CADM2: variants seen among roughly 807,000 people sequenced by gnomAD.
CADM2 encodes immunoglobulin superfamily member 4D.
A neutral mutation model predicts 49.8 loss-of-function variants in CADM2; 12 were observed. The observed-to-expected ratio is 0.24, with a 90% CI of 0.15 to 0.39. CADM2 has a LOEUF of 0.39. Among genes scored for constraint, CADM2 ranks in the 10% least tolerant of loss-of-function variants. The pLI is 1.00. For missense variants in CADM2, 378 were observed against 492.3 expected (o/e 0.77, Z 2.20); for synonymous variants, 214 against 175.4 (o/e 1.22, Z -1.74).
chr3:85,067,436 C>T (rs1039967727), intron 1 of CADM2, among the ~76,000 whole-genome samples: 1 of 151,904 alleles, frequency 6.6e-6, no homozygotes, highest in Non-Finnish European at 1.5e-5. Flanking sequence ...TTTATTTTTG[C>T]TTGGAAGGTT....
At chr3:85,652,481 A>G (rs1293720350) in intron 1 of CADM2, among the ~76,000 whole-genome samples, 5 of 152,184 alleles carry the variant, frequency 3.3e-5, no homozygotes, top group Non-Finnish European at 5.9e-5. Context: ...AGTCATCTCA[A>G]TGCTTGACTT....
chr3:85,006,572 T>G (rs1262566794), intron 1 of CADM2, among the ~76,000 whole-genome samples: 3 of 152,186 alleles, frequency 2.0e-5, no homozygotes, highest in Non-Finnish European at 4.4e-5. Flanking sequence ...TGGAACTTCA[T>G]GCTAAATGCC....
intron 1 of CADM2, among the ~76,000 whole-genome samples, chr3:85,695,733 T>C (rs1316582713): frequency 6.6e-6 from 1 of 152,096 alleles, no homozygotes; most frequent in Admixed American, 6.6e-5. Context: ...CTTGCAAGTG[T>C]CTTTTTGATG....
At chr3:85,169,938 T>C (rs571777540) in intron 1 of CADM2, among the ~76,000 whole-genome samples, 23 of 152,326 alleles carry the variant, frequency 1.5e-4, no homozygotes, top group African/African-American at 5.1e-4. Flanking sequence ...AATTATTCAT[T>C]CACAGAAACT....
intron 8 of CADM2, among the ~76,000 whole-genome samples, chr3:85,965,512 A>G (rs989763712): frequency 1.4e-4 from 21 of 151,404 alleles, no homozygotes; most frequent in African/African-American, 3.9e-4. Context: ...GCATACAGTT[A>G]TTGCTCATAA....
intron 1 of CADM2, among the ~76,000 whole-genome samples, chr3:85,460,937 T>C (rs2038217288): frequency 6.6e-6 from 1 of 152,180 alleles, no homozygotes; most frequent in Non-Finnish European, 1.5e-5. Flanking sequence ...TCCTTGCTAA[T>C]TGAGAAAAAG....
intron 1 of CADM2, among the ~76,000 whole-genome samples, chr3:85,217,635 C>G (rs1422335608): frequency 6.6e-6 from 1 of 151,994 alleles, no homozygotes; most frequent in African/African-American, 2.4e-5. Flanking sequence ...GATTTGTTAG[C>G]AGTTATAGAA....
intron 8 of CADM2, among the ~76,000 whole-genome samples, chr3:85,997,804 G>C (rs990313220): frequency 6.6e-6 from 1 of 152,108 alleles, no homozygotes; most frequent in Non-Finnish European, 1.5e-5. Flanking sequence ...TTTGCAGCAG[G>C]TTCTTTATAG....
intron 3 of CADM2, among the ~76,000 whole-genome samples, chr3:85,839,807 A>G (rs559715932): frequency 6.6e-6 from 1 of 152,048 alleles, no homozygotes; most frequent in Non-Finnish European, 1.5e-5. Flanking sequence ...ATAAATGGCT[A>G]TGTATTCTTT....
chr3:85,587,899 C>T (rs1354859361), intron 1 of CADM2, among the ~76,000 whole-genome samples: 1 of 151,950 alleles, frequency 6.6e-6, no homozygotes, highest in Admixed American at 6.6e-5. Context: ...CACGCGTCAC[C>T]ATCCTCAACT....
At chr3:85,894,628 A>T (rs12638299) in intron 5 of CADM2, among the ~76,000 whole-genome samples, 1 of 152,224 alleles carries the variant, frequency 6.6e-6, no homozygotes, top group East Asian at 1.9e-4. Flanking sequence ...CTTCAGGGCA[A>T]CCCCTCTCAT....
At chr3:85,476,120 T>C (rs774463940) in intron 1 of CADM2, among the ~76,000 whole-genome samples, 14 of 151,926 alleles carry the variant, frequency 9.2e-5, no homozygotes, top group Non-Finnish European at 1.9e-4. Flanking sequence ...AGATGTCTGT[T>C]TTTACCAAAA....
intron 7 of CADM2, among the ~76,000 whole-genome samples, chr3:85,939,677 C>T (rs1031976774): frequency 1.3e-5 from 2 of 151,460 alleles, no homozygotes; most frequent in African/African-American, 2.4e-5. Flanking sequence ...TATTTGGCAT[C>T]TATTCTGTAA....
chr3:84,988,026 C>T (rs1311152989), intron 1 of CADM2, among the ~76,000 whole-genome samples: 1 of 152,144 alleles, frequency 6.6e-6, no homozygotes, highest in Non-Finnish European at 1.5e-5. Flanking sequence ...TGGCCACAGA[C>T]ATGGAGAAAA....
intron 5 of CADM2, among the ~76,000 whole-genome samples, chr3:85,902,365 A>G (rs1404281069): frequency 6.6e-6 from 1 of 151,858 alleles, no homozygotes; most frequent in Admixed American, 6.6e-5. Flanking sequence ...TTTGTATCAT[A>G]TATTATTTTT....
intron 1 of CADM2, among the ~76,000 whole-genome samples, chr3:85,214,059 A>G (rs1293405417): frequency 6.6e-6 from 1 of 152,094 alleles, no homozygotes; most frequent in Non-Finnish European, 1.5e-5. Flanking sequence ...ATTGGTCACT[A>G]GTGTGTTATT....
At chr3:84,968,829 T>A (rs1252792877) in intron 1 of CADM2, among the ~76,000 whole-genome samples, 1 of 152,102 alleles carries the variant, frequency 6.6e-6, no homozygotes, top group Non-Finnish European at 1.5e-5. Flanking sequence ...TGCTGGTTTT[T>A]ATGTGAGGCT....
chr3:85,445,315 G>A (rs912381952), intron 1 of CADM2, among the ~76,000 whole-genome samples: 1 of 152,030 alleles, frequency 6.6e-6, no homozygotes, highest in Admixed American at 6.6e-5. Flanking sequence ...AATACTATAT[G>A]CAGTACATAG....
intron 1 of CADM2, among the ~76,000 whole-genome samples, chr3:85,496,064 A>G (rs2039877976): frequency 6.6e-6 from 1 of 152,168 alleles, no homozygotes; most frequent in Non-Finnish European, 1.5e-5. Context: ...TCCATTTTAT[A>G]CTGGGTTCAG....
Sources: gnomAD v4.1 joint callset for allele counts (sites outside exome capture counted in the v4.1 genomes callset) on GRCh38, gnomAD v4.1.1 for gene constraint, MANE v1.5 for transcripts, NCBI Gene and HGNC (gene_info 2026-07-23, HGNC 2026-07-21) for gene names.